Variants in UGT1A7 observed in about 807,000 individuals in gnomAD.
The protein encoded by UGT1A7 is UDP-glucuronosyltransferase 1A7.
In UGT1A7, 33 loss-of-function variants were observed where a neutral mutation model predicts 45.6. That is an observed-to-expected ratio of 0.72 (90% CI 0.55 to 0.97). The LOEUF (loss-of-function observed/expected upper bound fraction) is 0.97, where lower values mean the gene tolerates loss of function less well. Among genes scored for constraint, UGT1A7 ranks in the 50% least tolerant of loss-of-function variants. UGT1A7 has a pLI of 0.00. For synonymous variants in UGT1A7, 274 were observed against 250.6 expected (o/e 1.09, Z -0.88); for missense variants, 684 against 666.2 (o/e 1.03, Z -0.29).
chr2:233,684,198 C>T (rs1414669213), intron 1 of UGT1A7, among the ~76,000 whole-genome samples: 1 of 152,134 alleles, frequency 6.6e-6, no homozygotes, highest in African/African-American at 2.4e-5. Context: ...AGTGACTGTT[C>T]AACCAACTCA....
chr2:233,759,981 A>G (rs1234447648), intron 1 of UGT1A7, among the ~76,000 whole-genome samples: 1 of 152,088 alleles, frequency 6.6e-6, no homozygotes, highest in African/African-American at 2.4e-5. Context: ...CTCTGGTAAC[A>G]CTTGTTGGTC....
rs1692738477 is a variant in UGT1A7, at chr2:233,744,224, A to C, written c.856-22810A>C. Reference sequence around the variant, plus strand: ...ATGGGAAAAAGAGGTTGGGGAAAAGAGAGGGCCTTGACTTTGGCTGCCTGA... The same window carrying C: ...ATGGGAAAAAGAGGTTGGGGAAAAGCGAGGGCCTTGACTTTGGCTGCCTGA... On this transcript the variant is annotated intron_variant, in intron 1 of 4. Coordinates refer to ENST00000373426, the MANE Select transcript of UGT1A7 (RefSeq NM_019077.3). 1.3e-5 allele frequency among the ~76,000 whole-genome samples: 2 copies of C among 151,816 alleles called. 1 individual carries two copies. Among genetic ancestry groups the C allele is most frequent in the African/African-American group, 4.9e-5 (2 of 41,070 alleles).
chr2:233,758,057 A>G (rs1435615594), intron 1 of UGT1A7, among the ~76,000 whole-genome samples: 1 of 151,980 alleles, frequency 6.6e-6, no homozygotes, highest in Non-Finnish European at 1.5e-5. Context: ...ACCATTTCTA[A>G]CTTGACTTTC....
intron 1 of UGT1A7, chr2:233,753,301 C>T (rs1695176725): frequency 6.6e-6 from 1 of 152,212 alleles, no homozygotes; most frequent in East Asian, 1.9e-4. Flanking sequence ...TGTGAGACCC[C>T]GTGTGCCCCT....
Position 233,767,868 on chromosome 2 carries a change from G to A in UGT1A7, c.1007G>A (p.Gly336Glu). 6.2e-7 allele frequency: 1 copy of A among 1,614,124 alleles called. No individual in the cohort carries two copies. The change falls in exon 3 of 5, where the codon GGA (glycine) becomes GAA (glutamate). Residue 336 changes from glycine to glutamate, a missense_variant. Physicochemically the swap from Gly to Glu is moderately conservative, Grantham distance 98 (BLOSUM62 -2). Coordinates refer to ENST00000373426, the MANE Select transcript of UGT1A7 (RefSeq NM_019077.3). ...TCCCAGGTCCTGTGGCGGTACACTG[G>A]AACCCGACCATCGAATCTTGCGAAC... ...IPQTVLWRYTGTRPSNLANNT... is the reference protein window; with the variant it reads ...IPQTVLWRYTETRPSNLANNT...
Position 233,772,456 on chromosome 2 carries a change from T to C in UGT1A7, c.1490T>C (p.Leu497Pro), listed in dbSNP as rs763440969. ...ATTGGTTTCCTCTTGGCCGTCGTGCTGACAGTGGCCTTCATCACCTTTAAA... is the reference window on the plus strand; with the variant it reads ...ATTGGTTTCCTCTTGGCCGTCGTGCCGACAGTGGCCTTCATCACCTTTAAA... ...DVIGFLLAVV[L>P]TVAFITFKCC... Residue 497 changes from leucine to proline, a missense_variant, in exon 5 of 5, where the codon CTG (leucine) becomes CCG (proline). Physicochemically the swap from Leu to Pro is moderately conservative, Grantham distance 98. Coordinates refer to ENST00000373426, the MANE Select transcript of UGT1A7 (RefSeq NM_019077.3). The C allele has an allele frequency of 4.3e-6, 7 of 1,614,218 alleles. No individual in the cohort carries two copies. The highest frequency in any genetic ancestry group is 5.9e-6 in the Non-Finnish European group (7 of 1,180,044).
intron 1 of UGT1A7, among the ~76,000 whole-genome samples, chr2:233,709,949 C>T (rs2076099737): frequency 6.6e-6 from 1 of 152,156 alleles, no homozygotes; most frequent in Admixed American, 6.5e-5. Flanking sequence ...GTTTCTGTTG[C>T]TGGATAACAG....
intron 1 of UGT1A7, among the ~76,000 whole-genome samples, chr2:233,734,963 T>C (rs1419315489): frequency 6.6e-6 from 1 of 152,234 alleles, no homozygotes; most frequent in Admixed American, 6.5e-5. Context: ...ATAAGTGTGA[T>C]GTGGTGCTGA....
chr2:233,730,227 G>A (rs1389808961), intron 1 of UGT1A7, among the ~76,000 whole-genome samples: 1 of 152,112 alleles, frequency 6.6e-6, no homozygotes, highest in Admixed American at 6.5e-5. Context: ...TTTGTAAAAG[G>A]ATGGACAAGG....
intron 1 of UGT1A7, chr2:233,743,719 G>A (rs757280255): frequency 2.2e-6 from 3 of 1,367,368 alleles, no homozygotes; most frequent in East Asian, 9.1e-5. Context: ...CGCCATAGCG[G>A]TCATAGATAT....
At chr2:233,721,918 T>C in intron 1 of UGT1A7, 1 of 410,238 alleles carries the variant, frequency 2.4e-6, no homozygotes, top group Non-Finnish European at 4.9e-6. Flanking sequence ...ACTGCTTCCA[T>C]AAAGTGACAT....
At chr2:233,721,763 T>A in intron 1 of UGT1A7, 1 of 476,760 alleles carries the variant, frequency 2.1e-6, no homozygotes, top group African/African-American at 2.0e-5. Context: ...TCTAAATTGT[T>A]ATATTTAGCA....
chr2:233,700,892 T>G (rs1471650676), intron 1 of UGT1A7, among the ~76,000 whole-genome samples: 1 of 151,456 alleles, frequency 6.6e-6, no homozygotes, highest in African/African-American at 2.4e-5. Context: ...CCCACAACAG[T>G]CCCCGGTGTG....
At chr2:233,756,303 C>T (rs529039026) in intron 1 of UGT1A7, 7 of 152,196 alleles carry the variant, frequency 4.6e-5, no homozygotes, top group African/African-American at 9.7e-5. Context: ...TTGTATATAA[C>T]CTACCCATAT....
chr2:233,757,115 C>G lies in UGT1A7; in HGVS notation c.856-9919C>G, dbSNP rs11568319. ...CAGAGGGAGGGGGCAAGCAGAAGGG[C>G]TAGAGAGGAGGAATGAGCTTGGACA... On this transcript the variant is annotated intron_variant, in intron 1 of 4. Transcript: ENST00000373426. 7.2e-4 allele frequency among the ~76,000 whole-genome samples: 109 copies of G among 150,950 alleles called. 1 individual carries two copies. In the East Asian group the frequency reaches 0.02, roughly 28 times the overall value.
intron 1 of UGT1A7, among the ~76,000 whole-genome samples, chr2:233,715,794 A>C (rs146761733): frequency 1.4e-4 from 21 of 152,268 alleles, no homozygotes; most frequent in African/African-American, 4.8e-4. Flanking sequence ...ATTTATTTGG[A>C]ATGTGAAAAT....
intron 1 of UGT1A7, among the ~76,000 whole-genome samples, chr2:233,723,417 T>C (rs2077082381): frequency 7.4e-6 from 1 of 134,694 alleles, no homozygotes; most frequent in African/African-American, 3.0e-5. Flanking sequence ...ACCATACTGG[T>C]CAGGCTGGTC....
chr2:233,753,876 C>A (rs1268305886), intron 1 of UGT1A7, among the ~76,000 whole-genome samples: 2 of 152,192 alleles, frequency 1.3e-5, no homozygotes, highest in Non-Finnish European at 1.5e-5. Context: ...AAGGTCTGTC[C>A]TCAGCCTTCA....
At chr2:233,719,672 G>T (rs777502728) in intron 1 of UGT1A7, 75 of 1,613,516 alleles carry the variant, frequency 4.6e-5, no homozygotes, top group Non-Finnish European at 6.0e-5. Flanking sequence ...GTGCCAACGG[G>T]AAGCCACTAT....
Sources: gnomAD v4.1 joint callset for allele counts (sites outside exome capture counted in the v4.1 genomes callset) on GRCh38, gnomAD v4.1.1 for gene constraint, MANE v1.5 for transcripts, NCBI Gene and HGNC (gene_info 2026-07-23, HGNC 2026-07-21) for gene names.